CPEB1: variants seen among roughly 807,000 people sequenced by gnomAD.
The protein encoded by CPEB1 is cytoplasmic polyadenylation element-binding protein 1.
Under a neutral mutation model 65.8 loss-of-function variants are expected in CPEB1, and 7 were observed. The observed-to-expected ratio is 0.11, with a 90% CI of 0.06 to 0.20. The LOEUF (loss-of-function observed/expected upper bound fraction) is 0.20, where lower values mean the gene tolerates loss of function less well. Among genes scored for constraint, CPEB1 ranks in the 10% least tolerant of loss-of-function variants. The pLI, the probability that CPEB1 is intolerant of heterozygous loss-of-function variation, is 1.00. For missense variants in CPEB1, 551 were observed against 712.2 expected (o/e 0.77, Z 2.58); for synonymous variants, 262 against 260.0 (o/e 1.01, Z -0.08).
intron 5 of CPEB1, 108 bp downstream of exon 5, chr15:82,557,652 G>T: frequency 1.1e-6 from 1 of 883,506 alleles, no homozygotes; most frequent in Non-Finnish European, 1.8e-6. Flanking sequence ...CCATCTCCCA[G>T]CCTGCATTCC....
chr15:82,637,146 C>G (rs2046727472), intron 1 of CPEB1, among the ~76,000 whole-genome samples: 1 of 152,138 alleles, frequency 6.6e-6, no homozygotes, highest in Non-Finnish European at 1.5e-5. Flanking sequence ...GAACTTTGAC[C>G]AAGATTTTCA....
chr15:82,575,556 A>G (rs1264016214), intron 3 of CPEB1, among the ~76,000 whole-genome samples: 1 of 152,212 alleles, frequency 6.6e-6, no homozygotes, highest in Non-Finnish European at 1.5e-5. Context: ...GAAAATACCC[A>G]CAACCATATC....
chr15:82,611,606 A>G (rs2044158330), intron 3 of CPEB1, among the ~76,000 whole-genome samples: 1 of 152,022 alleles, frequency 6.6e-6, no homozygotes, highest in South Asian at 2.1e-4. Flanking sequence ...AAAAATAAAA[A>G]TAAAAATTAG....
chr15:82,600,072 A>G (rs1289275120), intron 3 of CPEB1, among the ~76,000 whole-genome samples: 2 of 152,208 alleles, frequency 1.3e-5, no homozygotes, highest in African/African-American at 4.8e-5. Flanking sequence ...ATACCAGTCT[A>G]TACATACAAG....
intron 3 of CPEB1, among the ~76,000 whole-genome samples, chr15:82,587,684 T>G (rs939296664): frequency 3.3e-5 from 5 of 152,204 alleles, no homozygotes; most frequent in African/African-American, 9.6e-5. Flanking sequence ...CAGATAATTT[T>G]AAGAAATTAA....
intron 3 of CPEB1, among the ~76,000 whole-genome samples, chr15:82,593,365 G>A (rs570448654): frequency 2.0e-5 from 3 of 152,184 alleles, no homozygotes; most frequent in Non-Finnish European, 4.4e-5. Context: ...TCTGCACCAG[G>A]AGTAGATTCT....
chr15:82,584,289 G>A (rs1192140294), intron 3 of CPEB1, among the ~76,000 whole-genome samples: 4 of 138,612 alleles, frequency 2.9e-5, no homozygotes, highest in South Asian at 2.4e-4. Context: ...AAAAAGCTAC[G>A]TTTCAGTTAA....
chr15:82,565,294 G>GAAAGCAGC (rs760419987), intron 4 of CPEB1, among the ~76,000 whole-genome samples: 4 of 152,170 alleles, frequency 2.6e-5, no homozygotes, highest in Admixed American at 1.3e-4. Context: ...ACAATGGAAA[G>GAAAGCAGC]AAAGCAGCAA....
At chr15:82,551,367 A>G (rs2036212887) in intron 9 of CPEB1, among the ~76,000 whole-genome samples, 1 of 152,186 alleles carries the variant, frequency 6.6e-6, no homozygotes, top group South Asian at 2.1e-4. Context: ...CCCCACTATC[A>G]GGATCCCGCA....
intron 3 of CPEB1, among the ~76,000 whole-genome samples, chr15:82,594,753 C>T (rs774818751): frequency 3.9e-4 from 60 of 152,244 alleles, no homozygotes; most frequent in Non-Finnish European, 6.8e-4. Flanking sequence ...TTGATGTAAA[C>T]TGAGACACAT....
Position 82,614,864 on chromosome 15 carries a change from T to TGC in CPEB1, c.271+12328_271+12329insGC, listed in dbSNP as rs1277588093. Reference sequence around the variant, plus strand: ...TAAAATATAAGTGTGTGTGTGTGTGTGTGTGTGTGTGTGTGTATATATATA... The same window carrying TGC: ...TAAAATATAAGTGTGTGTGTGTGTGTGCGTGTGTGTGTGTGTGTATATATATA... On this transcript the variant is annotated intron_variant, in intron 3 of 12. Transcript: ENST00000684509. 3.4e-5 allele frequency among the ~76,000 whole-genome samples: 4 copies of TGC among 116,926 alleles called. No individual in the cohort carries two copies. In the East Asian group the frequency reaches 9.3e-4, roughly 27 times the overall value. The allele number at this position is 116,926 out of a possible 152,430, so 76.7% of individuals were successfully genotyped here.
At chr15:82,583,871 C>T (rs1474426612) in intron 3 of CPEB1, among the ~76,000 whole-genome samples, 3 of 152,054 alleles carry the variant, frequency 2.0e-5, no homozygotes, top group Admixed American at 1.3e-4. Flanking sequence ...ATGTACAATG[C>T]CTGTAAAGGA....
Position 82,546,143 on chromosome 15 carries a change from G to A in CPEB1, c.1656+298C>T, listed in dbSNP as rs376398192. ...TTTTTTTTTTTTGACACGGAGTCTC[G>A]CTCTGTCCCAGGCTGAAGTGCAGTG... On this transcript the variant is annotated intron_variant, in intron 12 of 12. Transcript: ENST00000684509. Among the ~76,000 whole-genome samples the A allele has an allele frequency of 1.1e-4, 17 of 151,756 alleles. No homozygotes were observed. In the East Asian group the frequency reaches 2.9e-3, roughly 26 times the overall value.
chr15:82,644,671 T>C (rs1423379447), intron 1 of CPEB1, among the ~76,000 whole-genome samples: 1 of 152,210 alleles, frequency 6.6e-6, no homozygotes, highest in East Asian at 1.9e-4. Flanking sequence ...AGCTAGTGGC[T>C]GCTCCTTTCA....
chr15:82,617,419 C>T (rs1444057502), intron 3 of CPEB1, among the ~76,000 whole-genome samples: 1 of 152,076 alleles, frequency 6.6e-6, no homozygotes, highest in Non-Finnish European at 1.5e-5. Flanking sequence ...CAACACTACT[C>T]AAAACTGTCA....
intron 3 of CPEB1, among the ~76,000 whole-genome samples, chr15:82,591,276 T>C (rs1596074299): frequency 6.6e-6 from 1 of 152,224 alleles, no homozygotes; most frequent in African/African-American, 2.4e-5. Context: ...TTTTGTTGTG[T>C]TGTGACACGA....
intron 3 of CPEB1, among the ~76,000 whole-genome samples, chr15:82,618,013 A>G (rs2044914538): frequency 1.3e-5 from 2 of 152,022 alleles, no homozygotes; most frequent in African/African-American, 4.8e-5. Flanking sequence ...GATTACAGGT[A>G]AAGTTTTTAA....
In CPEB1 at chr15:82,555,826, C is replaced by T. The variant is rs2037103914; in HGVS notation, c.940+44G>A. ...ACTAAGGTCACTTCCTCTCTGCTCC[C>T]AAAATGAGGCCTCAGGCCTCACACA... On this transcript the variant is annotated intron_variant, in intron 6 of 12. Coordinates refer to ENST00000684509, the MANE Select transcript of CPEB1 (RefSeq NM_001365242.1). 3.2e-6 allele frequency: 5 copies of T among 1,577,082 alleles called. No individual in the cohort carries two copies. The East Asian group carries it at 1.1e-4, about 35-fold the overall frequency.
chr15:82,633,664 T>C (rs1273812361), intron 1 of CPEB1, among the ~76,000 whole-genome samples: 5 of 152,214 alleles, frequency 3.3e-5, no homozygotes, highest in Admixed American at 3.3e-4. Flanking sequence ...TGAGCCACAG[T>C]GCCTGGCCCT....
Sources: allele counts gnomAD v4.1 joint callset (sites outside exome capture counted in the v4.1 genomes callset), GRCh38; gene constraint gnomAD v4.1.1; transcripts MANE v1.5; gene names NCBI Gene and HGNC (gene_info 2026-07-23, HGNC 2026-07-21).